CLYBL: variants seen among roughly 807,000 people sequenced by gnomAD.
CLYBL encodes the protein citramalyl-CoA lyase, mitochondrial.
In CLYBL, 31 loss-of-function variants were observed where a neutral mutation model predicts 38.9. That is an observed-to-expected ratio of 0.80 (90% confidence interval 0.60 to 1.08). The LOEUF is 1.08. CLYBL is among the 50% of genes least tolerant of loss of function. The pLI, the probability that CLYBL is intolerant of heterozygous loss-of-function variation, is 0.00. For synonymous variants in CLYBL, 171 were observed against 158.6 expected, an observed-to-expected ratio of 1.08 and a Z score of -0.59; for missense variants, 434 against 411.6, an observed-to-expected ratio of 1.05 and a Z score of -0.47.
At chr13:99,889,726 A>G (rs2052439612) in intron 7 of CLYBL, among the ~76,000 whole-genome samples, 1 of 152,148 alleles carries the variant, frequency 6.6e-6, no homozygotes, top group Non-Finnish European at 1.5e-5. Context: ...AGTCATTGCT[A>G]AGGATTCCCC....
intron 7 of CLYBL, among the ~76,000 whole-genome samples, chr13:99,875,033 G>T (rs1323092888): frequency 1.3e-5 from 2 of 152,158 alleles, no homozygotes; most frequent in Non-Finnish European, 2.9e-5. Flanking sequence ...TTCATATCAT[G>T]GCTGTACGTG....
chr13:99,868,188 C>T (rs982689070), intron 6 of CLYBL, among the ~76,000 whole-genome samples: 11 of 152,294 alleles, frequency 7.2e-5, no homozygotes, highest in Middle Eastern at 6.8e-3. Flanking sequence ...AGCCACACTT[C>T]GTAGGCAGTT....
intron 1 of CLYBL, among the ~76,000 whole-genome samples, chr13:99,657,598 T>C (rs1460496607): frequency 6.6e-6 from 1 of 150,836 alleles, no homozygotes; most frequent in East Asian, 2.0e-4. Flanking sequence ...TAGATCATAA[T>C]AACATCTAAA....
downstream of CLYBL, among the ~76,000 whole-genome samples, chr13:99,902,034 T>C (rs949371472): frequency 6.6e-6 from 1 of 152,214 alleles, no homozygotes; most frequent in Non-Finnish European, 1.5e-5. Flanking sequence ...AAATTGGTGA[T>C]TGAAACTCAT....
In CLYBL at chr13:99,903,758, GGAA is replaced by G. The variant is rs1361475447; in HGVS notation, c.*25-1506_*25-1504del. Among the ~76,000 whole-genome samples, 17 of 152,300 alleles carry G rather than the reference GGAA, an allele frequency of 1.1e-4. 1 individual carries two copies. In the South Asian group the frequency reaches 2.9e-3, roughly 26 times the overall value. ...TGGACTTCCATGAAATCTGAATTTA[GGAA>G]GAAGATGTTTTTAAGTAGCATTATC... On this transcript the variant is annotated intron_variant and NMD_transcript_variant, in intron 8 of 9. Transcript: ENST00000689673.
chr13:99,641,648 C>CAAA (rs35893746), intron 1 of CLYBL, among the ~76,000 whole-genome samples: 204 of 143,812 alleles, frequency 1.4e-3, no homozygotes, highest in Non-Finnish European at 2.0e-3. Context: ...ACTAAAAATA[C>CAAA]AAAAAAAAAA....
chr13:99,754,302 C>G (rs1485174154), intron 1 of CLYBL, among the ~76,000 whole-genome samples: 1 of 150,076 alleles, frequency 6.7e-6, no homozygotes, highest in Non-Finnish European at 1.5e-5. Context: ...ATCAGGTAAT[C>G]ACTACTTGGG....
chr13:99,716,169 ATTTTTTTTTTTTTTTTTTT>A lies in CLYBL; in HGVS notation c.63-56635_63-56617del, dbSNP rs4001024. Among the ~76,000 whole-genome samples the A allele has an allele frequency of 1.3e-3, 44 of 33,464 alleles. 1 individual carries two copies. The South Asian group carries it at 0.015, about 12-fold the overall frequency. 22.0% of individuals were successfully genotyped at this position (33,464 alleles called of 152,430 possible). A position where few individuals can be genotyped will look rare whatever the true frequency, so the allele number is the denominator to read the frequency against. On this transcript the variant is annotated intron_variant, in intron 1 of 8. Coordinates refer to ENST00000339105, the MANE Select transcript of CLYBL (RefSeq NM_206808.5). ...AAATTGTCCTTGCTTTATTGGTGTA[ATTTTTTTTTTTTTTTTTTT>A]TTTTTTTTTTTTTTTTTTTAGAGAC...
intron 2 of CLYBL, among the ~76,000 whole-genome samples, chr13:99,819,434 A>G (rs1487249133): frequency 1.4e-5 from 1 of 69,128 alleles, no homozygotes; most frequent in African/African-American, 6.1e-5. Flanking sequence ...ATATATATAT[A>G]TATATATATA....
Position 99,870,963 on chromosome 13 carries a change from A to C in CLYBL, c.828A>C (p.Gln276His). 5 of 1,612,886 alleles carry C rather than the reference A, an allele frequency of 3.1e-6. No homozygotes were observed. The highest frequency in any genetic ancestry group is 4.2e-6 in the Non-Finnish European group (5 of 1,179,596). ...GTAAGCAGGTGATTCACCCTAACCA[A>C]ATTGCCGTGGTCCAGGAGCAGTTTT... ...FTGKQVIHPN[Q>H]IAVVQEQFSP... Residue 276 changes from glutamine to histidine, a missense_variant, in exon 7 of 9, where the codon CAA becomes CAC. Coordinates refer to ENST00000339105, the MANE Select transcript of CLYBL (RefSeq NM_206808.5).
chr13:99,722,417 C>CTTT (rs5806134), intron 1 of CLYBL, among the ~76,000 whole-genome samples: 2 of 146,932 alleles, frequency 1.4e-5, no homozygotes, highest in South Asian at 2.1e-4. Context: ...CGCATGAAAC[C>CTTT]TTTTTTTTTT....
At chr13:99,838,600 A>G (rs1276547816) in intron 2 of CLYBL, among the ~76,000 whole-genome samples, 2 of 152,196 alleles carry the variant, frequency 1.3e-5, no homozygotes, top group African/African-American at 4.8e-5. Flanking sequence ...AAATGCTGTA[A>G]TCTTCCCATA....
At chr13:99,712,517 GT>G (rs148738034) in intron 1 of CLYBL, among the ~76,000 whole-genome samples, 9 of 146,580 alleles carry the variant, frequency 6.1e-5, no homozygotes, top group East Asian at 4.0e-4. Context: ...GTTTTTTTGA[GT>G]TTTTTTTTTG....
At chr13:99,906,313 T>C (rs1175269566) in intron 9 of CLYBL, among the ~76,000 whole-genome samples, 1 of 152,232 alleles carries the variant, frequency 6.6e-6, no homozygotes, top group East Asian at 1.9e-4. Context: ...CAGAAAAATG[T>C]CTGTTAAGAT....
chr13:99,776,037 G>A (rs1439239914), intron 2 of CLYBL, among the ~76,000 whole-genome samples: 6 of 151,672 alleles, frequency 4.0e-5, no homozygotes, highest in Admixed American at 6.6e-5. Flanking sequence ...GGTGGCGGGC[G>A]CCTGCAGTCC....
intron 3 of CLYBL, among the ~76,000 whole-genome samples, chr13:99,861,163 A>AAATT (rs758813508): frequency 6.6e-5 from 10 of 152,312 alleles, no homozygotes; most frequent in South Asian, 4.1e-4. Context: ...CCTTTTGAAA[A>AAATT]AATTAATTGA....
intron 1 of CLYBL, among the ~76,000 whole-genome samples, chr13:99,639,267 G>A (rs571701658): frequency 2.0e-5 from 3 of 152,358 alleles, no homozygotes; most frequent in African/African-American, 7.2e-5. Flanking sequence ...GCCGGGGCTT[G>A]TGGTCACTCT....
intron 1 of CLYBL, among the ~76,000 whole-genome samples, chr13:99,676,529 C>T (rs2047654596): frequency 6.6e-6 from 1 of 151,118 alleles, no homozygotes; most frequent in African/African-American, 2.4e-5. Flanking sequence ...AACTCCTGAC[C>T]TCAAGTCACC....
chr13:99,697,587 T>C (rs2047998870), intron 1 of CLYBL, among the ~76,000 whole-genome samples: 1 of 147,796 alleles, frequency 6.8e-6, no homozygotes, highest in South Asian at 2.2e-4. Flanking sequence ...CCAGGCTGAG[T>C]GATCCTCCCG....
Sources: allele counts gnomAD v4.1 joint callset (sites outside exome capture counted in the v4.1 genomes callset), GRCh38; gene constraint gnomAD v4.1.1; transcripts MANE v1.5; gene names NCBI Gene and HGNC (gene_info 2026-07-23, HGNC 2026-07-21).